Variants in GLDN observed in about 807,000 individuals in gnomAD.
GLDN encodes the protein collomin.
Under a neutral mutation model 56.5 loss-of-function variants are expected in GLDN, and 47 were observed. That is an observed-to-expected ratio of 0.83 (90% confidence interval 0.66 to 1.06). GLDN has a LOEUF of 1.06. Among genes scored for constraint, GLDN ranks in the 50% least tolerant of loss-of-function variants. GLDN has a pLI of 0.00. For missense variants in GLDN, 782 were observed against 714.3 expected (o/e 1.09, Z -1.08); for synonymous variants, 332 against 278.8 (o/e 1.19, Z -1.90).
At chr15:51,373,985 C>T (rs2037570574) in intron 1 of GLDN, among the ~76,000 whole-genome samples, 1 of 152,164 alleles carries the variant, frequency 6.6e-6, no homozygotes, top group Non-Finnish European at 1.5e-5. Flanking sequence ...AACTTTATGG[C>T]CACACCTTTT....
chr15:51,388,746 G>A (rs1013432296), intron 4 of GLDN, among the ~76,000 whole-genome samples: 1 of 152,240 alleles, frequency 6.6e-6, no homozygotes, highest in Non-Finnish European at 1.5e-5. Flanking sequence ...CTCAATTTGC[G>A]TGCTCAAGGG....
intron 1 of GLDN, among the ~76,000 whole-genome samples, chr15:51,362,937 G>C (rs2037328932): frequency 7.0e-6 from 1 of 143,148 alleles, no homozygotes; most frequent in Admixed American, 7.4e-5. Context: ...TTTTCTGACA[G>C]TTTTAATGTG....
chr15:51,367,972 A>G lies in GLDN; in HGVS notation c.364-9477A>G, dbSNP rs529738203. On this transcript the variant is annotated intron_variant, in intron 1 of 9. Coordinates refer to ENST00000335449, the MANE Select transcript of GLDN (RefSeq NM_181789.4). ...TAACTAGATAATCCTAGCATCTCCAAGGTCCTGTTTTCTAGGGATTATTGG... is the reference window on the plus strand; with the variant it reads ...TAACTAGATAATCCTAGCATCTCCAGGGTCCTGTTTTCTAGGGATTATTGG... Among the ~76,000 whole-genome samples the G allele has an allele frequency of 5.3e-5, 8 of 152,346 alleles. No homozygotes were observed. The South Asian group carries it at 1.7e-3, about 32-fold the overall frequency.
intron 1 of GLDN, among the ~76,000 whole-genome samples, chr15:51,349,469 A>T (rs372237410): frequency 6.6e-6 from 1 of 152,406 alleles, no homozygotes; most frequent in East Asian, 1.9e-4. Flanking sequence ...TGGGTGGGGA[A>T]AAAACAAAAG....
intron 1 of GLDN, among the ~76,000 whole-genome samples, chr15:51,366,132 C>A (rs562292819): frequency 6.6e-6 from 1 of 150,900 alleles, no homozygotes; most frequent in African/African-American, 2.5e-5. Flanking sequence ...GGAGATAGAA[C>A]GTCAAGTTGT....
At chr15:51,346,881 C>A (rs34136097) in intron 1 of GLDN, among the ~76,000 whole-genome samples, 1 of 152,108 alleles carries the variant, frequency 6.6e-6, no homozygotes, top group African/African-American at 2.4e-5. Flanking sequence ...GCCTGGCCAA[C>A]ATGGTGAAAC....
chr15:51,365,197 G>A (rs887227614), intron 1 of GLDN, among the ~76,000 whole-genome samples: 7 of 152,226 alleles, frequency 4.6e-5, no homozygotes, highest in African/African-American at 1.7e-4. Flanking sequence ...GGGGCTGCAG[G>A]TGTTTGATTA....
At chr15:51,371,334 T>A (rs546604827) in intron 1 of GLDN, among the ~76,000 whole-genome samples, 1 of 152,362 alleles carries the variant, frequency 6.6e-6, no homozygotes, top group South Asian at 2.1e-4. Flanking sequence ...TGTCCAGATA[T>A]CCTTGTATAC....
rs141450052 is a variant in GLDN at position 51,390,966 on chromosome 15, G to T, written c.542-3869G>T. On this transcript the variant is annotated intron_variant, in intron 4 of 9. Coordinates refer to ENST00000335449, the MANE Select transcript of GLDN (RefSeq NM_181789.4). ...GGCAGGGTAGAAAATGCCACACACA[G>T]GTTCCTGATGGTGAATCACTAGGTG... Among the ~76,000 whole-genome samples the T allele has an allele frequency of 3.5e-3, 535 of 152,314 alleles. 4 individuals are homozygous for T. Among genetic ancestry groups the T allele is most frequent in the Admixed American group, 0.012 (178 of 15,300 alleles).
chr15:51,371,650 A>G (rs570344297), intron 1 of GLDN, among the ~76,000 whole-genome samples: 196 of 152,306 alleles, frequency 1.3e-3, no homozygotes, highest in African/African-American at 3.6e-3. Flanking sequence ...TCTGTTTATT[A>G]TAACAGAATA....
intron 1 of GLDN, among the ~76,000 whole-genome samples, chr15:51,354,307 T>G (rs1291906644): frequency 6.6e-6 from 1 of 151,958 alleles, no homozygotes; most frequent in Non-Finnish European, 1.5e-5. Flanking sequence ...AATTCCCTGG[T>G]TTTTTTTGTT....
At chr15:51,381,820 T>G (rs79753478) in intron 2 of GLDN, among the ~76,000 whole-genome samples, 15,239 of 151,420 alleles carry the variant, frequency 0.1, 1,565 homozygotes, top group African/African-American at 0.26. Flanking sequence ...CCTGTCTCTG[T>G]GTCACTGTCT....
chr15:51,387,534 C>A (rs759622362), intron 4 of GLDN, among the ~76,000 whole-genome samples: 1 of 152,134 alleles, frequency 6.6e-6, no homozygotes, highest in Non-Finnish European at 1.5e-5. Flanking sequence ...CTTTCCAGAG[C>A]TTTTGGATGA....
intron 1 of GLDN, among the ~76,000 whole-genome samples, chr15:51,373,708 G>C (rs955405682): frequency 6.6e-6 from 1 of 152,222 alleles, no homozygotes; most frequent in Non-Finnish European, 1.5e-5. Context: ...GACAGTGATG[G>C]GCAGGGAGGG....
At chr15:51,380,635 C>T (rs1055532065) in intron 2 of GLDN, among the ~76,000 whole-genome samples, 1 of 152,162 alleles carries the variant, frequency 6.6e-6, no homozygotes, top group Non-Finnish European at 1.5e-5. Flanking sequence ...CTTCCTTTCT[C>T]TTCTGAAATT....
At chr15:51,397,241 G>A (rs949211376) in intron 5 of GLDN, among the ~76,000 whole-genome samples, 2 of 152,150 alleles carry the variant, frequency 1.3e-5, no homozygotes, top group Non-Finnish European at 2.9e-5. Flanking sequence ...AGGTCTGGCT[G>A]TGAGGAGGCA....
intron 9 of GLDN, among the ~76,000 whole-genome samples, chr15:51,403,827 T>C (rs1418507160): frequency 1.3e-5 from 2 of 152,188 alleles, no homozygotes; most frequent in Non-Finnish European, 2.9e-5. Context: ...CTTACTTGTC[T>C]TCATGGGCCA....
intron 1 of GLDN, among the ~76,000 whole-genome samples, chr15:51,362,342 C>G (rs562486994): frequency 4.6e-5 from 7 of 151,982 alleles, no homozygotes; most frequent in Middle Eastern, 6.8e-3. Flanking sequence ...CAAATTAGCT[C>G]AGCATGGTGG....
At chr15:51,386,763 G>A (rs140867996) in intron 4 of GLDN, among the ~76,000 whole-genome samples, 215 of 152,296 alleles carry the variant, frequency 1.4e-3, no homozygotes, top group African/African-American at 5.0e-3. Context: ...GTTCCCAGTG[G>A]ACAGTGGATA....
Sources: allele counts gnomAD v4.1 joint callset (sites outside exome capture counted in the v4.1 genomes callset), GRCh38; gene constraint gnomAD v4.1.1; transcripts MANE v1.5; gene names NCBI Gene and HGNC (gene_info 2026-07-23, HGNC 2026-07-21).